Variants in NBEA observed in about 807,000 individuals in gnomAD.
NBEA encodes the protein lysosomal-trafficking regulator 2.
NBEA carries 44 observed loss-of-function variants against 343.4 expected under a neutral mutation model. The observed-to-expected ratio is 0.13, with a 90% CI of 0.10 to 0.16. The LOEUF is 0.16. Among genes scored for constraint, NBEA ranks in the 10% least tolerant of loss-of-function variants. The pLI, the probability that NBEA is intolerant of heterozygous loss-of-function variation, is 1.00. For synonymous variants in NBEA, 1,175 were observed against 1,238.7 expected (o/e 0.95, Z 1.08); for missense variants, 2,555 against 3,631.3 (o/e 0.70, Z 7.62).
Position 35,671,301 on chromosome 13 carries a change from C to A in NBEA, c.*310C>A. The A allele has an allele frequency of 2.1e-5, 4 of 194,712 alleles. No individual in the cohort carries two copies. The highest frequency in any genetic ancestry group is 4.2e-5 in the Non-Finnish European group (4 of 94,956). 12.1% of individuals were successfully genotyped at this position (194,712 alleles called of 1,614,324 possible). On this transcript the variant is annotated 3_prime_UTR_variant, in exon 59 of 59. Transcript: ENST00000379939. ...AGGATGTGTCACAAGAGACTTTTGA[C>A]AATTCTGAGGAACCTTGTGTCCAGT...
chr13:35,130,892 A>C (rs993656596), intron 17 of NBEA, among the ~76,000 whole-genome samples: 3 of 152,054 alleles, frequency 2.0e-5, no homozygotes, highest in African/African-American at 7.2e-5. Flanking sequence ...AACTATAACA[A>C]GAAGTTATTC....
chr13:35,486,396 A>G (rs1360888063), intron 41 of NBEA, among the ~76,000 whole-genome samples: 3 of 152,128 alleles, frequency 2.0e-5, no homozygotes, highest in Non-Finnish European at 4.4e-5. Context: ...CATTCTTTTC[A>G]ATTTACAAAG....
intron 1 of NBEA, among the ~76,000 whole-genome samples, chr13:34,969,410 CA>C (rs1283943905): frequency 1.3e-5 from 2 of 149,560 alleles, no homozygotes; most frequent in African/African-American, 4.9e-5. Flanking sequence ...ATTTTAAGTT[CA>C]GGGGTACATG....
intron 8 of NBEA, among the ~76,000 whole-genome samples, chr13:35,065,085 T>C (rs1359321555): frequency 6.6e-6 from 1 of 151,538 alleles, no homozygotes; most frequent in Non-Finnish European, 1.5e-5. Context: ...ATTATTTCCT[T>C]ATATTGATGT....
At chr13:35,407,575 G>T (rs1485186640) in intron 38 of NBEA, among the ~76,000 whole-genome samples, 1 of 150,338 alleles carries the variant, frequency 6.7e-6, no homozygotes, top group African/African-American at 2.4e-5. Context: ...ACAGAATGAA[G>T]ATTTCCTCTT....
Position 35,583,938 on chromosome 13 carries a change from C to T in NBEA, c.7076C>T (p.Ala2359Val). ...ALNPKRAVFY[A>V]ERYETWEDDQ... The stretch of plus-strand genomic sequence containing the variant: ...AACCCCAAGAGAGCTGTGTTTTATG[C>T]AGAGCGTTATGAGACATGGGAAGAT... Residue 2359 changes from alanine to valine, a missense_variant, in exon 46 of 59, where the codon GCA (alanine) becomes GTA (valine). Transcript: ENST00000379939. The T allele has an allele frequency of 6.2e-7, 1 of 1,613,342 alleles. No homozygotes were observed.
chr13:35,156,994 C>T lies in NBEA; in HGVS notation c.2652-84C>T, dbSNP rs1445254928. On this transcript the variant is annotated intron_variant, in intron 20 of 58. Transcript: ENST00000379939. Reference sequence around the variant, plus strand: ...TTACTGAGGTCAGATCATATTTTCACTATTTTATTTATCAAAGTTTCAAAA... The same window carrying T: ...TTACTGAGGTCAGATCATATTTTCATTATTTTATTTATCAAAGTTTCAAAA... 3.4e-6 allele frequency: 4 copies of T among 1,163,448 alleles called. No homozygotes were observed. The East Asian group carries it at 7.7e-5, about 22-fold the overall frequency. 72.1% of individuals were successfully genotyped at this position (1,163,448 alleles called of 1,614,324 possible). A position where few individuals can be genotyped will look rare whatever the true frequency, so the allele number is the denominator to read the frequency against.
At chr13:35,060,842 G>C (rs1335848393) in intron 8 of NBEA, among the ~76,000 whole-genome samples, 1 of 151,632 alleles carries the variant, frequency 6.6e-6, no homozygotes, top group African/African-American at 2.4e-5. Flanking sequence ...GTCACTTTCT[G>C]TGAGTGAAGG....
intron 40 of NBEA, among the ~76,000 whole-genome samples, chr13:35,461,691 G>GTCC (rs1216908484): frequency 2.6e-5 from 4 of 152,152 alleles, no homozygotes; most frequent in African/African-American, 9.7e-5. Context: ...ACCTAAGAGT[G>GTCC]TCCTGGTCCT....
rs776203861 is a variant in NBEA, at chr13:35,645,844, C to T, written c.7618-25C>T. ...TTTGTATAATTGGTAGACTTCATGT[C>T]TCATTCTTTTTTTTCCCCATTAAGA... On this transcript the variant is annotated intron_variant, in intron 49 of 58. Coordinates refer to ENST00000379939, the MANE Select transcript of NBEA (RefSeq NM_001385012.1). The T allele has an allele frequency of 1.0e-4, 146 of 1,453,198 alleles. 7 individuals carry two copies. In the South Asian group the frequency reaches 1.8e-3, roughly 18 times the overall value. The allele number at this position is 1,453,198 out of a possible 1,614,324, so 90.0% of individuals were successfully genotyped here. A position where few individuals can be genotyped will look rare whatever the true frequency, so the allele number is the denominator to read the frequency against.
At chr13:35,566,334 C>T (rs2080135935) in intron 44 of NBEA, among the ~76,000 whole-genome samples, 1 of 151,940 alleles carries the variant, frequency 6.6e-6, no homozygotes, top group Non-Finnish European at 1.5e-5. Context: ...GCACTCCAGC[C>T]TGGGCGACAG....
intron 33 of NBEA, among the ~76,000 whole-genome samples, chr13:35,227,438 T>G (rs2074716697): frequency 6.6e-6 from 1 of 152,104 alleles, no homozygotes; most frequent in African/African-American, 2.4e-5. Flanking sequence ...TGTGTTTACC[T>G]AAACCCAATC....
At chr13:35,449,801 C>A (rs903961680) in intron 39 of NBEA, among the ~76,000 whole-genome samples, 7 of 152,154 alleles carry the variant, frequency 4.6e-5, no homozygotes, top group African/African-American at 1.7e-4. Context: ...CCATTTAATT[C>A]CCCTCCCCTC....
chr13:34,986,972 A>C (rs1289863801), intron 1 of NBEA, among the ~76,000 whole-genome samples: 2 of 150,774 alleles, frequency 1.3e-5, no homozygotes, highest in African/African-American at 4.8e-5. Flanking sequence ...TATATTTGCC[A>C]GTCTGTGTCT....
In NBEA at chr13:35,519,183, G is replaced by T. The variant is rs564076270; in HGVS notation, c.6586-31294G>T. On this transcript the variant is annotated intron_variant, in intron 41 of 58. Transcript: ENST00000379939. ...AAGACTTCTTTTGTCTTCCTTTCCT[G>T]TAAGCTGTTTTTAAATGTATTCTTT... is the stretch of plus-strand genomic sequence containing the variant. Among the ~76,000 whole-genome samples, 19 of 151,886 alleles carry T rather than the reference G, an allele frequency of 1.3e-4. No homozygotes were observed. In the East Asian group the frequency reaches 3.3e-3, roughly 26 times the overall value.
chr13:34,982,608 G>A (rs549078863), intron 1 of NBEA, among the ~76,000 whole-genome samples: 6 of 152,156 alleles, frequency 3.9e-5, no homozygotes, highest in South Asian at 4.1e-4. Flanking sequence ...ACCTGATTTC[G>A]AATTTAAATC....
chr13:34,977,376 T>C (rs559276093), intron 1 of NBEA, among the ~76,000 whole-genome samples: 40 of 152,112 alleles, frequency 2.6e-4, no homozygotes, highest in Middle Eastern at 3.4e-3. Flanking sequence ...GGGTGTGATC[T>C]TGGCTCACTG....
intron 10 of NBEA, among the ~76,000 whole-genome samples, chr13:35,094,437 G>T (rs1322210589): frequency 1.3e-5 from 2 of 152,032 alleles, no homozygotes; most frequent in African/African-American, 4.8e-5. Context: ...GTAGGCATTG[G>T]TCTTCTTTGA....
chr13:35,122,821 T>A (rs2066878332), intron 16 of NBEA, among the ~76,000 whole-genome samples: 1 of 152,224 alleles, frequency 6.6e-6, no homozygotes, highest in South Asian at 2.1e-4. Flanking sequence ...TCCTTCTGTA[T>A]GTTGACTAGC....
Sources: allele counts gnomAD v4.1 joint callset (sites outside exome capture counted in the v4.1 genomes callset), GRCh38; gene constraint gnomAD v4.1.1; transcripts MANE v1.5; gene names NCBI Gene and HGNC (gene_info 2026-07-23, HGNC 2026-07-21).